SUCLG2: variants seen among roughly 807,000 people sequenced by gnomAD.
The protein encoded by SUCLG2 is succinate-CoA ligase GDP-forming subunit beta, also known as succinate--CoA ligase [GDP-forming] subunit beta, mitochondrial.
SUCLG2 carries 42 observed loss-of-function variants against 47.9 expected under a neutral mutation model. That is an observed-to-expected ratio of 0.88 (90% confidence interval 0.69 to 1.14). SUCLG2 has a LOEUF of 1.14. SUCLG2 is among the 50% of genes most tolerant of loss of function. The pLI is 0.00. For synonymous variants in SUCLG2, 195 were observed against 197.3 expected, an observed-to-expected ratio of 0.99 and a Z score of 0.10; for missense variants, 571 against 525.9, an observed-to-expected ratio of 1.09 and a Z score of -0.84.
chr3:67,410,378 CAGG>C (rs1407717102), intron 9 of SUCLG2, among the ~76,000 whole-genome samples: 1 of 151,986 alleles, frequency 6.6e-6, no homozygotes, highest in African/African-American at 2.4e-5. Context: ...ACAGGATTTT[CAGG>C]AGAAGAAAAA....
intron 9 of SUCLG2, among the ~76,000 whole-genome samples, chr3:67,438,955 T>C (rs188597488): frequency 6.6e-6 from 1 of 152,258 alleles, no homozygotes; most frequent in Non-Finnish European, 1.5e-5. Flanking sequence ...TTCAGACCAA[T>C]ATCCATGATG....
intron 8 of SUCLG2, 57 bp downstream of exon 8, chr3:67,498,077 G>A (rs889713989): frequency 2.0e-6 from 3 of 1,502,860 alleles, no homozygotes; most frequent in Non-Finnish European, 2.7e-6. Flanking sequence ...AGAAATCAAG[G>A]TTTCCTAAAT....
In SUCLG2 at chr3:67,498,053, G is replaced by T. The variant is rs181638965; in HGVS notation, c.919+81C>A. On this transcript the variant is annotated intron_variant, in intron 8 of 10. Coordinates refer to ENST00000307227, the MANE Select transcript of SUCLG2 (RefSeq NM_003848.4). ...AAACTTATGTGCTTACTTCTTCTTG[G>T]TAAGTGACATTTCAGAAATCAAGGT... The T allele has an allele frequency of 4.6e-5, 64 of 1,402,676 alleles. No individual in the cohort carries two copies. In the African/African-American group the frequency reaches 7.2e-4, roughly 16 times the overall value. 86.9% of individuals were successfully genotyped at this position (1,402,676 alleles called of 1,614,324 possible). A position where few individuals can be genotyped will look rare whatever the true frequency, so the allele number is the denominator to read the frequency against.
chr3:67,520,764 C>T, intron 4 of SUCLG2, 130 bp from the exon 5 acceptor site: 1 of 1,060,082 alleles, frequency 9.4e-7, no homozygotes, highest in Non-Finnish European at 1.4e-6. Flanking sequence ...AGTGAGTTTG[C>T]AGAGCTTTGA....
intron 10 of SUCLG2, among the ~76,000 whole-genome samples, chr3:67,363,752 ACAGAT>A (rs1451411269): frequency 6.6e-6 from 1 of 152,174 alleles, no homozygotes; most frequent in African/African-American, 2.4e-5. Context: ...AACTCAGCAA[ACAGAT>A]CAAAGAGAGA....
Position 67,496,077 on chromosome 3 carries a change from T to G in SUCLG2, c.920-137A>C, listed in dbSNP as rs903556222. ...AATTTATATCCTGTTTGGAATTCCA[T>G]TAAACCAGATTAGTTCATAGACTTT... On this transcript the variant is annotated intron_variant, in intron 8 of 10. Coordinates refer to ENST00000307227, the MANE Select transcript of SUCLG2 (RefSeq NM_003848.4). The G allele has an allele frequency of 4.0e-6, 4 of 1,007,804 alleles. No homozygotes were observed. In the South Asian group the frequency reaches 4.9e-5, roughly 12 times the overall value. The allele number at this position is 1,007,804 out of a possible 1,614,324, so 62.4% of individuals were successfully genotyped here.
chr3:67,475,557 CAA>C (rs1489646771), intron 9 of SUCLG2, among the ~76,000 whole-genome samples: 1 of 152,206 alleles, frequency 6.6e-6, no homozygotes, highest in Non-Finnish European at 1.5e-5. Flanking sequence ...AGTTTTCAAT[CAA>C]AAGACATGTC....
intron 2 of SUCLG2, 45 bp from the exon 3 acceptor site, chr3:67,529,231 T>G (rs775876288): frequency 6.5e-7 from 1 of 1,531,252 alleles, no homozygotes; most frequent in Admixed American, 1.9e-5. Flanking sequence ...TTAAATTCTT[T>G]TTTTGTTTTT....
chr3:67,506,087 T>A (rs938794541), intron 7 of SUCLG2, among the ~76,000 whole-genome samples: 4 of 152,234 alleles, frequency 2.6e-5, no homozygotes, highest in African/African-American at 9.6e-5. Flanking sequence ...AGTTTCAATG[T>A]GGAAATTTTA....
chr3:67,444,334 TG>T (rs1272014476), intron 9 of SUCLG2, among the ~76,000 whole-genome samples: 4 of 63,112 alleles, frequency 6.3e-5, no homozygotes, highest in African/African-American at 2.3e-4. Flanking sequence ...GGGAGGGAGG[TG>T]GGGGGGTTAG....
chr3:67,468,539 C>A (rs1704529247), intron 9 of SUCLG2, among the ~76,000 whole-genome samples: 1 of 152,084 alleles, frequency 6.6e-6, no homozygotes, highest in African/African-American at 2.4e-5. Context: ...ACTCTGAGAC[C>A]ACCATGCTAT....
At chr3:67,524,633 G>T (rs371613345) in intron 4 of SUCLG2, among the ~76,000 whole-genome samples, 10 of 152,144 alleles carry the variant, frequency 6.6e-5, no homozygotes, top group African/African-American at 2.4e-4. Flanking sequence ...GAATCAAAAG[G>T]TTCTATAATC....
chr3:67,651,635 G>A (rs996452405), intron 1 of SUCLG2, among the ~76,000 whole-genome samples: 1 of 152,158 alleles, frequency 6.6e-6, no homozygotes, highest in Non-Finnish European at 1.5e-5. Flanking sequence ...GGAGCACCAG[G>A]GGGCCTCTGG....
chr3:67,430,057 C>A (rs566683830), intron 9 of SUCLG2, among the ~76,000 whole-genome samples: 1 of 152,256 alleles, frequency 6.6e-6, no homozygotes, highest in African/African-American at 2.4e-5. Flanking sequence ...GGAAAGTTAA[C>A]AAGGATACCC....
chr3:67,477,375 C>T (rs770728663), intron 9 of SUCLG2, among the ~76,000 whole-genome samples: 1 of 152,280 alleles, frequency 6.6e-6, no homozygotes, highest in South Asian at 2.1e-4. Flanking sequence ...CTTCACAGTA[C>T]TTCTCACAAT....
intron 6 of SUCLG2, among the ~76,000 whole-genome samples, chr3:67,511,130 G>A (rs1705776797): frequency 7.3e-6 from 1 of 137,242 alleles, no homozygotes; most frequent in African/African-American, 3.3e-5. Flanking sequence ...CTCGTAATCT[G>A]CCCACCTCAG....
chr3:67,576,424 T>C (rs7629897), intron 2 of SUCLG2, among the ~76,000 whole-genome samples: 3,383 of 152,278 alleles, frequency 0.022, 117 homozygotes, highest in African/African-American at 0.077. Flanking sequence ...AAGGTAGACT[T>C]AGGAAATTTT....
intron 9 of SUCLG2, among the ~76,000 whole-genome samples, chr3:67,407,918 AAAAT>A (rs1200043355): frequency 1.3e-5 from 2 of 152,174 alleles, no homozygotes; most frequent in African/African-American, 2.4e-5. Flanking sequence ...CCAACGAAGG[AAAAT>A]AAATGGTGAA....
chr3:67,371,767 T>C (rs1701958422), downstream of SUCLG2, among the ~76,000 whole-genome samples: 1 of 152,128 alleles, frequency 6.6e-6, no homozygotes, highest in African/African-American at 2.4e-5. Flanking sequence ...TGAATTTGGG[T>C]CCCCATAGAT....
Sources: allele counts gnomAD v4.1 joint callset (sites outside exome capture counted in the v4.1 genomes callset), GRCh38; gene constraint gnomAD v4.1.1; transcripts MANE v1.5; gene names NCBI Gene and HGNC (gene_info 2026-07-23, HGNC 2026-07-21).